FTCDNL1: variants seen among roughly 807,000 people sequenced by gnomAD.
FTCDNL1 encodes formiminotransferase N-terminal subdomain-containing protein.
A neutral mutation model predicts 5.9 loss-of-function variants in FTCDNL1; 11 were observed. That is an observed-to-expected ratio of 1.87 (90% confidence interval 1.18 to 3.10). FTCDNL1 has a LOEUF of 3.10. FTCDNL1 is among the 30% of genes most tolerant of loss of function. FTCDNL1 has a pLI of 0.00. For missense variants in FTCDNL1, 115 were observed against 65.5 expected, an observed-to-expected ratio of 1.76 and a Z score of -2.61; for synonymous variants, 58 against 24.8, an observed-to-expected ratio of 2.34 and a Z score of -3.99.
At chr2:199,759,328 GTAT>G (rs1698182343), downstream of FTCDNL1, among the ~76,000 whole-genome samples, 1 of 151,504 alleles carries the variant, frequency 6.6e-6, no homozygotes, top group East Asian at 1.9e-4. Context: ...ATTCATATAG[GTAT>G]TATTTGTGAA....
the FTCDNL1 span, among the ~76,000 whole-genome samples, chr2:199,673,839 T>A: frequency 6.6e-6 from 1 of 152,200 alleles, no homozygotes; most frequent in East Asian, 1.9e-4. Flanking sequence ...TTCCTTAATA[T>A]AGTCCTTCAG....
At chr2:199,825,425 A>G (rs1701970485) in intron 3 of FTCDNL1, among the ~76,000 whole-genome samples, 2 of 152,192 alleles carry the variant, frequency 1.3e-5, no homozygotes, top group Non-Finnish European at 1.5e-5. Context: ...TAGGAATTGC[A>G]AGATAATGTT....
At chr2:199,837,080 G>C (rs1003840022) in intron 3 of FTCDNL1, among the ~76,000 whole-genome samples, 1 of 152,164 alleles carries the variant, frequency 6.6e-6, no homozygotes, top group African/African-American at 2.4e-5. Context: ...GTTTATCCCA[G>C]TTCTCCCATT....
downstream of FTCDNL1, among the ~76,000 whole-genome samples, chr2:199,808,376 T>G (rs557945848): frequency 6.6e-6 from 1 of 152,336 alleles, no homozygotes; most frequent in African/African-American, 2.4e-5. Context: ...ATACATACTT[T>G]TTGTTCTTTT....
At chr2:199,839,818 C>G (rs776489756) in intron 3 of FTCDNL1, among the ~76,000 whole-genome samples, 3 of 152,156 alleles carry the variant, frequency 2.0e-5, no homozygotes, top group Non-Finnish European at 4.4e-5. Flanking sequence ...ACCTGGAATT[C>G]TATAGCAAGA....
chr2:199,713,650 T>C, the FTCDNL1 span, among the ~76,000 whole-genome samples: 41 of 152,222 alleles, frequency 2.7e-4, no homozygotes, highest in African/African-American at 9.9e-4. Context: ...TAGTGTGCCG[T>C]GTTAGTCTTA....
At chr2:199,692,460 A>G in the FTCDNL1 span, among the ~76,000 whole-genome samples, 192 of 152,332 alleles carry the variant, frequency 1.3e-3, 1 homozygote, top group African/African-American at 4.4e-3. Flanking sequence ...TGTCTTCTGG[A>G]CCAACAGAAG....
chr2:199,806,433 C>T (rs1700729114), downstream of FTCDNL1, among the ~76,000 whole-genome samples: 1 of 152,176 alleles, frequency 6.6e-6, no homozygotes, highest in African/African-American at 2.4e-5. Flanking sequence ...TCCTCACATT[C>T]CCACAGAATA....
chr2:199,767,684 G>A (rs539408425), intron 3 of FTCDNL1, among the ~76,000 whole-genome samples: 54 of 152,254 alleles, frequency 3.5e-4, no homozygotes, highest in Non-Finnish European at 5.9e-4. Context: ...TCTACCACGT[G>A]AGAACATAGC....
At chr2:199,748,896 C>T in the FTCDNL1 span, among the ~76,000 whole-genome samples, 8 of 152,228 alleles carry the variant, frequency 5.3e-5, no homozygotes, top group African/African-American at 9.6e-5. Flanking sequence ...TCCTCTGCCC[C>T]CTTCCTGCTC....
At chr2:199,684,164 G>A in the FTCDNL1 span, among the ~76,000 whole-genome samples, 35 of 152,252 alleles carry the variant, frequency 2.3e-4, 1 homozygote, top group African/African-American at 7.5e-4. Flanking sequence ...GAACCCAAAC[G>A]TTGCAATTTT....
the FTCDNL1 span, among the ~76,000 whole-genome samples, chr2:199,702,943 G>A: frequency 6.6e-6 from 1 of 152,136 alleles, no homozygotes. Flanking sequence ...AAATTAAGGA[G>A]GGTGATTGAG....
downstream of FTCDNL1, among the ~76,000 whole-genome samples, chr2:199,757,035 C>T (rs1413104815): frequency 1.3e-5 from 2 of 152,204 alleles, no homozygotes; most frequent in African/African-American, 4.8e-5. Context: ...TAACCTCCCA[C>T]AAAGAACACG....
chr2:199,759,995 T>G (rs987420090), downstream of FTCDNL1, among the ~76,000 whole-genome samples: 7 of 152,214 alleles, frequency 4.6e-5, no homozygotes, highest in Non-Finnish European at 1.0e-4. Flanking sequence ...GTATCATGTT[T>G]TGATTCTAAC....
At chr2:199,721,122 T>G in the FTCDNL1 span, among the ~76,000 whole-genome samples, 58 of 152,178 alleles carry the variant, frequency 3.8e-4, no homozygotes, top group Non-Finnish European at 2.9e-5. Context: ...TGTTTTAAAT[T>G]TTATTTTATT....
At chr2:199,710,027 C>T in the FTCDNL1 span, among the ~76,000 whole-genome samples, 1 of 152,160 alleles carries the variant, frequency 6.6e-6, no homozygotes, top group South Asian at 2.1e-4. Flanking sequence ...CAAAATTAAA[C>T]CTCATGAAAC....
the FTCDNL1 span, among the ~76,000 whole-genome samples, chr2:199,729,035 T>C: frequency 6.6e-6 from 1 of 152,162 alleles, no homozygotes; most frequent in Non-Finnish European, 1.5e-5. Flanking sequence ...CAATACTAAG[T>C]GCTGAGGCAA....
chr2:199,821,813 C>G (rs1362313203), intron 3 of FTCDNL1, among the ~76,000 whole-genome samples: 1 of 152,104 alleles, frequency 6.6e-6, no homozygotes, highest in East Asian at 1.9e-4. Flanking sequence ...ATTAGAAGTT[C>G]CTGGTATTGT....
the FTCDNL1 span, among the ~76,000 whole-genome samples, chr2:199,689,567 C>T: frequency 6.6e-6 from 1 of 152,118 alleles, no homozygotes; most frequent in African/African-American, 2.4e-5. Context: ...TGTCTCCTGG[C>T]CCATAACCTC....
Sources: allele counts gnomAD v4.1 joint callset (sites outside exome capture counted in the v4.1 genomes callset), GRCh38; gene constraint gnomAD v4.1.1; transcripts MANE v1.5; gene names NCBI Gene and HGNC (gene_info 2026-07-23, HGNC 2026-07-21).